ABAT: variants seen among roughly 807,000 people sequenced by gnomAD.
ABAT encodes the protein 4-aminobutyrate aminotransferase, also known as 4-aminobutyrate aminotransferase, mitochondrial.
ABAT carries 45 observed loss-of-function variants against 64.6 expected under a neutral mutation model. That is an observed-to-expected ratio of 0.70 (90% CI 0.55 to 0.89). The LOEUF is 0.89. Among genes scored for constraint, ABAT ranks in the 40% least tolerant of loss-of-function variants. ABAT has a pLI of 0.00. For missense variants in ABAT, 633 were observed against 658.4 expected (o/e 0.96, Z 0.42); for synonymous variants, 297 against 250.5 (o/e 1.19, Z -1.75).
In ABAT at chr16:8,763,789, C is replaced by T. The variant is rs997100476; in HGVS notation, c.367-280C>T. Among the ~76,000 whole-genome samples, 10 of 152,180 alleles carry T rather than the reference C, an allele frequency of 6.6e-5. No individual in the cohort carries two copies. In the South Asian group the frequency reaches 1.2e-3, roughly 19 times the overall value. On this transcript the variant is annotated intron_variant, in intron 6 of 15. Coordinates refer to ENST00000268251, the MANE Select transcript of ABAT (RefSeq NM_020686.6). ...AAACCAGTACAAAGAGCCCCATGTA[C>T]GCTTCGCTCAGTTTTCCCCAGCGGC... is the stretch of plus-strand genomic sequence containing the variant.
At position 8,743,143 on chromosome 16, in the gene ABAT, T is replaced by A. The variant is rs1213500186; in HGVS notation, c.71-2858T>A. Among the ~76,000 whole-genome samples, 93 of 151,788 alleles carry A rather than the reference T, an allele frequency of 6.1e-4. 5 individuals are homozygous for A. The highest frequency in any genetic ancestry group is 6.0e-3 in the Admixed American group (92 of 15,236). ...CTGTTTTTCTTCATCCTTATATAAGTATAGTGCTGTATTTTAACGGTACTT... is the reference window on the plus strand; with the variant it reads ...CTGTTTTTCTTCATCCTTATATAAGAATAGTGCTGTATTTTAACGGTACTT... On this transcript the variant is annotated intron_variant, in intron 2 of 15. Coordinates refer to ENST00000268251, the MANE Select transcript of ABAT (RefSeq NM_020686.6).
intron 1 of ABAT, among the ~76,000 whole-genome samples, chr16:8,691,552 G>A (rs1465734720): frequency 1.3e-5 from 2 of 152,056 alleles, no homozygotes; most frequent in Non-Finnish European, 2.9e-5. Flanking sequence ...CAATTCTCCT[G>A]CCTCAGCTTC....
Position 8,768,272 on chromosome 16 carries a change from T to G in ABAT, c.667+16T>G. On this transcript the variant is annotated intron_variant, in intron 10 of 15. Transcript: ENST00000268251. ...AGGACCATGGGTAAGGAGGGACCAT[T>G]GCGCTCCCAAGGTGGCGTTTAGAAT... 4 of 1,613,466 alleles carry G rather than the reference T, an allele frequency of 2.5e-6. No homozygotes were observed. The highest frequency in any genetic ancestry group is 3.4e-6 in the Non-Finnish European group (4 of 1,179,736).
intron 1 of ABAT, among the ~76,000 whole-genome samples, chr16:8,718,614 C>A (rs1366306427): frequency 6.6e-6 from 1 of 152,180 alleles, no homozygotes. Context: ...ACATGCTTCC[C>A]AGAGCTGGTC....
chr16:8,738,455 G>C (rs982482489), intron 2 of ABAT: 2 of 455,626 alleles, frequency 4.4e-6, no homozygotes, highest in Non-Finnish European at 8.8e-6. Flanking sequence ...TCCAATCCAG[G>C]TACACACATT....
At chr16:8,769,117 G>T (rs909213996) in intron 11 of ABAT, 144 bp downstream of exon 11, 2 of 1,153,566 alleles carry the variant, frequency 1.7e-6, no homozygotes, top group African/African-American at 3.1e-5. Flanking sequence ...GGACACAGAG[G>T]CCTTGCGTCC....
intron 11 of ABAT, among the ~76,000 whole-genome samples, chr16:8,772,241 T>G (rs939155291): frequency 4.4e-5 from 6 of 135,564 alleles, no homozygotes; most frequent in Non-Finnish European, 7.7e-5. Flanking sequence ...TGCTGTATTT[T>G]CTCTCTGTCT....
rs562505875 is a variant in ABAT at position 8,746,066 on chromosome 16, A to G, written c.136A>G (p.Met46Val). The G allele has an allele frequency of 1.2e-6, 2 of 1,613,860 alleles. No homozygotes were observed. The highest frequency in any genetic ancestry group is 2.2e-5 in the East Asian group (1 of 44,872). ...TGAATTTGATTATGATGGGCCTCTG[A>G]TGAAGACGGAAGTCCCAGGGCCTAG... Reference protein sequence around the residue: ...DVEFDYDGPLMKTEVPGPRSQ... With the variant: ...DVEFDYDGPLVKTEVPGPRSQ... The change falls in exon 3 of 16, where the codon ATG becomes GTG. Residue 46 changes from methionine (M) to valine (V), a missense_variant. Met to Val is a conservative substitution (Grantham distance 21). Transcript: ENST00000268251.
At chr16:8,718,753 T>C (rs1385758403) in intron 1 of ABAT, among the ~76,000 whole-genome samples, 1 of 152,150 alleles carries the variant, frequency 6.6e-6, no homozygotes, top group Non-Finnish European at 1.5e-5. Context: ...GATAAGACGG[T>C]GTATGTGAAA....
At chr16:8,709,003 GC>G (rs1361977244) in intron 1 of ABAT, among the ~76,000 whole-genome samples, 1 of 152,146 alleles carries the variant, frequency 6.6e-6, no homozygotes, top group Non-Finnish European at 1.5e-5. Flanking sequence ...CCGAAATGGG[GC>G]TCATCTGAAT....
intron 11 of ABAT, among the ~76,000 whole-genome samples, chr16:8,772,157 A>G (rs2060126729): frequency 6.6e-6 from 1 of 152,160 alleles, no homozygotes; most frequent in Non-Finnish European, 1.5e-5. Flanking sequence ...AAGAATAGGA[A>G]CAATAATAAT....
chr16:8,781,714 A>G lies in ABAT; in HGVS notation c.*284A>G. On this transcript the variant is annotated 3_prime_UTR_variant, in exon 16 of 16. Transcript: ENST00000268251. This position sits in a 1 kb window ranked among gnomAD's most constrained non-coding sequence, Gnocchi z 4.5. ...GGAAGGGCCATGGGAGGTCCTGGCT[A>G]GAGTTCTGCCCAACCTTGACCAACC... The G allele has an allele frequency of 2.0e-6, 1 of 512,054 alleles. No homozygotes were observed. Among genetic ancestry groups the G allele is most frequent in the Admixed American group, 3.2e-5 (1 of 31,636 alleles). 31.7% of individuals were successfully genotyped at this position (512,054 alleles called of 1,614,324 possible).
chr16:8,725,147 C>T (rs1458623689), intron 1 of ABAT, among the ~76,000 whole-genome samples: 14 of 152,186 alleles, frequency 9.2e-5, no homozygotes, highest in Non-Finnish European at 2.9e-5. Context: ...AATTCCTGAC[C>T]TCAGGTGATC....
chr16:8,782,171 C>T lies in ABAT; in HGVS notation c.*741C>T, dbSNP rs550683484. ...CGGCATCCTCCATTCCCCAAACTCC[C>T]TCCTCCCTGTTAAATGTCAACCTAG... On this transcript the variant is annotated 3_prime_UTR_variant, in exon 16 of 16. Transcript: ENST00000268251. 1 of 153,382 alleles carries T rather than the reference C, an allele frequency of 6.5e-6. No individual in the cohort carries two copies. Among genetic ancestry groups the T allele is most frequent in the South Asian group, 2.1e-4 (1 of 4,860 alleles). The allele number at this position is 153,382 out of a possible 1,614,324, so 9.5% of individuals were successfully genotyped here.
intron 9 of ABAT, among the ~76,000 whole-genome samples, chr16:8,767,286 G>A (rs2059972868): frequency 6.6e-6 from 1 of 152,374 alleles, no homozygotes; most frequent in East Asian, 1.9e-4. Flanking sequence ...CCAAGGCGCA[G>A]CTGCCATGGG....
chr16:8,756,879 C>T (rs993319658), intron 5 of ABAT, among the ~76,000 whole-genome samples: 23 of 152,268 alleles, frequency 1.5e-4, no homozygotes, highest in African/African-American at 5.3e-4. Context: ...ATTGCTGAAT[C>T]CGAGTGTGCT....
Position 8,710,692 on chromosome 16 carries a change from GAC to G in ABAT, c.-41-25005_-41-25004del, listed in dbSNP as rs1422863995. On this transcript the variant is annotated intron_variant, in intron 1 of 15. Transcript: ENST00000268251. Reference sequence around the variant, plus strand: ...GAGGTTAAGGCTGCACTGAGAGAGAGACAGAGAGAGAGAGAGAGAGAGAGAGA... The same window carrying G: ...GAGGTTAAGGCTGCACTGAGAGAGAGAGAGAGAGAGAGAGAGAGAGAGAGA... 4.9e-3 allele frequency among the ~76,000 whole-genome samples: 476 copies of G among 97,830 alleles called. 3 individuals are homozygous for G. The highest frequency in any genetic ancestry group is 0.011 in the Admixed American group (89 of 8,472). 64.2% of individuals were successfully genotyped at this position (97,830 alleles called of 152,430 possible).
chr16:8,739,554 C>A (rs2059100026), intron 2 of ABAT, among the ~76,000 whole-genome samples: 1 of 152,018 alleles, frequency 6.6e-6, no homozygotes, highest in South Asian at 2.1e-4. Flanking sequence ...CCCGTCTCTA[C>A]TAAAAATACA....
chr16:8,674,655 TCCCGCAAGTCGGAA>T lies in ABAT; in HGVS notation c.-93_-80del, dbSNP rs1350889823. ...GCGCTGCCGGAACTCGGGGCGCGCA[TCCCGCAAGTCGGAA>T]CCCGGCGGATCGGATCCCGCAGATC... On this transcript the variant is annotated 5_prime_UTR_variant, in exon 1 of 16. Coordinates refer to ENST00000268251, the MANE Select transcript of ABAT (RefSeq NM_020686.6). 1 of 152,180 alleles carries T rather than the reference TCCCGCAAGTCGGAA, an allele frequency of 6.6e-6. No homozygotes were observed. 9.4% of individuals were successfully genotyped at this position (152,180 alleles called of 1,614,324 possible).
Sources: gnomAD v4.1 joint callset for allele counts (sites outside exome capture counted in the v4.1 genomes callset) on GRCh38, gnomAD v4.1.1 for gene constraint, Gnocchi (gnomAD v3.1) non-coding constraint, MANE v1.5 for transcripts, NCBI Gene and HGNC (gene_info 2026-07-23, HGNC 2026-07-21) for gene names.